FRMD4A: variants seen among roughly 807,000 people sequenced by gnomAD.
FRMD4A encodes the protein FERM domain-containing protein 4A.
A neutral mutation model predicts 129.1 loss-of-function variants in FRMD4A; 29 were observed. That is an observed-to-expected ratio of 0.22 (90% CI 0.17 to 0.31). The LOEUF is 0.31. Ranked by LOEUF, FRMD4A falls within the 10% of genes least tolerant of loss-of-function variation. The pLI, the probability that FRMD4A is intolerant of heterozygous loss-of-function variation, is 1.00. For missense variants in FRMD4A, 1,272 were observed against 1,375.8 expected (o/e 0.92, Z 1.19); for synonymous variants, 634 against 571.6 (o/e 1.11, Z -1.56).
At chr10:13,900,686 C>A (rs2094809381) in intron 2 of FRMD4A, among the ~76,000 whole-genome samples, 1 of 152,114 alleles carries the variant, frequency 6.6e-6, no homozygotes, top group South Asian at 2.1e-4. Context: ...CAATTGAGGT[C>A]AGGAGTTTGA....
intron 2 of FRMD4A, among the ~76,000 whole-genome samples, chr10:14,141,947 C>T (rs907575266): frequency 2.0e-5 from 3 of 152,116 alleles, no homozygotes; most frequent in Non-Finnish European, 2.9e-5. Context: ...TAAAAAATCT[C>T]GTTTCCCTTT....
intron 2 of FRMD4A, among the ~76,000 whole-genome samples, chr10:14,287,118 C>T (rs1205120667): frequency 1.5e-5 from 2 of 137,012 alleles, no homozygotes; most frequent in Admixed American, 7.4e-5. Flanking sequence ...TTCTTGCTGC[C>T]ATCTTGCTCT....
chr10:13,881,379 C>T (rs910305794), intron 2 of FRMD4A, among the ~76,000 whole-genome samples: 1 of 151,970 alleles, frequency 6.6e-6, no homozygotes, highest in African/African-American at 2.4e-5. Context: ...GCTATGATTG[C>T]ACCACTGCAC....
chr10:14,205,229 C>G (rs6650157), intron 2 of FRMD4A, among the ~76,000 whole-genome samples: 150,386 of 152,206 alleles, frequency 0.99, 74,320 homozygotes, highest in South Asian at 1. Flanking sequence ...ACATTTAACA[C>G]TTAACTACTT....
At chr10:14,263,238 G>A (rs1844864858) in intron 2 of FRMD4A, among the ~76,000 whole-genome samples, 1 of 152,128 alleles carries the variant, frequency 6.6e-6, no homozygotes, top group Admixed American at 6.5e-5. Flanking sequence ...TTCCCTCCCC[G>A]CCAGCCCCGT....
At chr10:14,229,317 C>G (rs1843557815) in intron 2 of FRMD4A, among the ~76,000 whole-genome samples, 2 of 152,022 alleles carry the variant, frequency 1.3e-5, no homozygotes, top group South Asian at 4.1e-4. Context: ...TATTTAAAAC[C>G]AAGTTGGTTG....
intron 2 of FRMD4A, among the ~76,000 whole-genome samples, chr10:14,169,782 T>C (rs1278412672): frequency 6.6e-6 from 1 of 152,210 alleles, no homozygotes; most frequent in Non-Finnish European, 1.5e-5. Flanking sequence ...AAATCTCCTC[T>C]TATTCAAGTC....
At chr10:14,291,949 C>A (rs1845861981) in intron 2 of FRMD4A, among the ~76,000 whole-genome samples, 1 of 151,598 alleles carries the variant, frequency 6.6e-6, no homozygotes, top group African/African-American at 2.4e-5. Flanking sequence ...TTAAAGCTAC[C>A]ATCATAATAG....
At chr10:13,746,002 A>G (rs750877846) in intron 9 of FRMD4A, among the ~76,000 whole-genome samples, 14 of 152,214 alleles carry the variant, frequency 9.2e-5, no homozygotes, top group Non-Finnish European at 2.1e-4. Context: ...GCAAGTTAAC[A>G]GATTTTGCTC....
chr10:13,819,087 C>G (rs763893474), intron 3 of FRMD4A, among the ~76,000 whole-genome samples: 3 of 152,046 alleles, frequency 2.0e-5, no homozygotes, highest in African/African-American at 4.8e-5. Flanking sequence ...GAGATCGCAC[C>G]ACTACCCTCC....
chr10:13,687,334 T>C (rs866366170), intron 15 of FRMD4A, among the ~76,000 whole-genome samples: 33 of 152,162 alleles, frequency 2.2e-4, no homozygotes, highest in Non-Finnish European at 1.0e-4. Context: ...TGTTCTCTGA[T>C]GGCAAATCCC....
At position 13,683,172 on chromosome 10, in the gene FRMD4A, C is replaced by T. The variant is rs560902020; in HGVS notation, c.1118-8128G>A. 7.2e-4 allele frequency among the ~76,000 whole-genome samples: 109 copies of T among 152,236 alleles called. 1 individual carries two copies. Among genetic ancestry groups the T allele is most frequent in the African/African-American group, 2.4e-3 (98 of 41,528 alleles). ...TAGCTGGGATTACAGCGCGCCACAA[C>T]GCCCGACTAATAGAAGCCTCTGGAG... On this transcript the variant is annotated intron_variant, in intron 15 of 24. Coordinates refer to ENST00000357447, the MANE Select transcript of FRMD4A (RefSeq NM_018027.5).
At chr10:13,740,821 A>ATTT (rs1368392741) in intron 9 of FRMD4A, among the ~76,000 whole-genome samples, 12 of 87,376 alleles carry the variant, frequency 1.4e-4, no homozygotes, top group East Asian at 3.7e-4. Context: ...TTTGTCTTGG[A>ATTT]TGTTTGTTTT....
intron 2 of FRMD4A, among the ~76,000 whole-genome samples, chr10:14,241,628 A>G (rs1393723636): frequency 7.0e-6 from 1 of 143,496 alleles, no homozygotes; most frequent in African/African-American, 2.6e-5. Flanking sequence ...CGAATTCCAC[A>G]GTGATTCTAA....
chr10:13,810,781 C>T, intron 4 of FRMD4A, 33 bp downstream of exon 4: 2 of 1,179,024 alleles, frequency 1.7e-6, no homozygotes, highest in Non-Finnish European at 2.5e-6. Context: ...CTGACTCTCC[C>T]TTCGGGCTGT....
At chr10:14,171,161 T>C (rs901552541) in intron 2 of FRMD4A, among the ~76,000 whole-genome samples, 6 of 152,186 alleles carry the variant, frequency 3.9e-5, no homozygotes, top group Admixed American at 2.0e-4. Context: ...TGATTGATTA[T>C]AAAATGATTT....
chr10:14,199,166 T>C (rs1842557478), intron 2 of FRMD4A, among the ~76,000 whole-genome samples: 1 of 152,052 alleles, frequency 6.6e-6, no homozygotes, highest in Non-Finnish European at 1.5e-5. Flanking sequence ...TTTATGTTGT[T>C]TCCATTTTTA....
chr10:13,922,593 C>T (rs951525193), intron 2 of FRMD4A, among the ~76,000 whole-genome samples: 2 of 152,156 alleles, frequency 1.3e-5, no homozygotes, highest in Admixed American at 1.3e-4. Context: ...AAAAAGCTCT[C>T]CTCCTGCTCA....
chr10:13,775,727 G>A (rs917016650), intron 6 of FRMD4A, among the ~76,000 whole-genome samples: 32 of 152,292 alleles, frequency 2.1e-4, no homozygotes, highest in Admixed American at 1.8e-3. Flanking sequence ...GGAGGTTGGA[G>A]GAGTCTAAGA....
Sources: allele counts gnomAD v4.1 joint callset (sites outside exome capture counted in the v4.1 genomes callset), GRCh38; gene constraint gnomAD v4.1.1; transcripts MANE v1.5; gene names NCBI Gene and HGNC (gene_info 2026-07-23, HGNC 2026-07-21).